SPOCK3: variants seen among roughly 807,000 people sequenced by gnomAD.
The protein encoded by SPOCK3 is testican-3.
In SPOCK3, 30 loss-of-function variants were observed where a neutral mutation model predicts 56.6. That is an observed-to-expected ratio of 0.53 (90% CI 0.40 to 0.72). The LOEUF (loss-of-function observed/expected upper bound fraction) is 0.72. Ranked by LOEUF, SPOCK3 falls within the 30% of genes least tolerant of loss-of-function variation. SPOCK3 has a pLI of 0.00. For missense variants in SPOCK3, 527 were observed against 530.0 expected (o/e 0.99, Z 0.06); for synonymous variants, 196 against 183.3 (o/e 1.07, Z -0.56).
chr4:166,841,730 G>C, intron 6 of SPOCK3, among the ~76,000 whole-genome samples: 1 of 152,158 alleles, frequency 6.6e-6, no homozygotes, highest in Non-Finnish European at 1.5e-5. Context: ...AGAATTCTAA[G>C]AACTTCTCCA....
chr4:167,128,912 T>C (rs547184613), intron 2 of SPOCK3, among the ~76,000 whole-genome samples: 4 of 152,232 alleles, frequency 2.6e-5, no homozygotes, highest in African/African-American at 9.6e-5. Context: ...GGGTTTATTG[T>C]ATTATTGTGG....
At chr4:167,154,040 T>A (rs1764617056) in intron 2 of SPOCK3, among the ~76,000 whole-genome samples, 1 of 152,210 alleles carries the variant, frequency 6.6e-6, no homozygotes, top group Non-Finnish European at 1.5e-5. Context: ...AAGGATCACG[T>A]ACAATATTTA....
At chr4:166,926,811 C>T (rs1031957151) in intron 4 of SPOCK3, among the ~76,000 whole-genome samples, 5 of 152,022 alleles carry the variant, frequency 3.3e-5, no homozygotes, top group African/African-American at 4.8e-5. Context: ...TCAAACTCTG[C>T]AAAAAGGACC....
At chr4:166,842,882 A>G (rs2126839334) in intron 6 of SPOCK3, among the ~76,000 whole-genome samples, 1 of 152,346 alleles carries the variant, frequency 6.6e-6, no homozygotes, top group South Asian at 2.1e-4. Context: ...GGTGCTGTGT[A>G]GCAGGGGATG....
chr4:166,997,159 G>T (rs1449681104), intron 4 of SPOCK3, among the ~76,000 whole-genome samples: 1 of 151,894 alleles, frequency 6.6e-6, no homozygotes, highest in Non-Finnish European at 1.5e-5. Flanking sequence ...GTGGCCTGTC[G>T]GTGGGGGTTA....
At chr4:167,053,386 T>A (rs964199294) in intron 3 of SPOCK3, among the ~76,000 whole-genome samples, 2 of 152,074 alleles carry the variant, frequency 1.3e-5, no homozygotes, top group African/African-American at 4.8e-5. Context: ...GGAACTTTCA[T>A]TGAATTATCT....
At chr4:166,754,454 T>C (rs1178712345) in intron 8 of SPOCK3, 54 bp downstream of exon 8, 1 of 1,563,492 alleles carries the variant, frequency 6.4e-7, no homozygotes, top group African/African-American at 1.4e-5. Flanking sequence ...AAAAAATAAG[T>C]AAAATTTGAC....
chr4:166,989,525 T>C (rs1747542781), intron 4 of SPOCK3, among the ~76,000 whole-genome samples: 1 of 152,146 alleles, frequency 6.6e-6, no homozygotes, highest in Admixed American at 6.6e-5. Flanking sequence ...GCTTTTTCTG[T>C]AAGAGTAAAT....
intron 2 of SPOCK3, among the ~76,000 whole-genome samples, chr4:167,111,584 C>T (rs1373879685): frequency 6.6e-6 from 1 of 152,108 alleles, no homozygotes; most frequent in African/African-American, 2.4e-5. Flanking sequence ...CTCTAGTTAA[C>T]ATTAATTCAT....
chr4:166,769,542 C>T (rs549456910), intron 7 of SPOCK3, among the ~76,000 whole-genome samples: 133 of 152,238 alleles, frequency 8.7e-4, no homozygotes, highest in African/African-American at 3.1e-3. Context: ...GATCGTTCCT[C>T]TGGAAGCTTC....
At chr4:166,867,649 G>A (rs926869252) in intron 6 of SPOCK3, among the ~76,000 whole-genome samples, 1 of 151,480 alleles carries the variant, frequency 6.6e-6, no homozygotes, top group Admixed American at 6.6e-5. Context: ...TTATTTAATG[G>A]TTTTAAAGAT....
chr4:166,784,229 C>A (rs1740494772), intron 7 of SPOCK3, among the ~76,000 whole-genome samples: 1 of 152,086 alleles, frequency 6.6e-6, no homozygotes, highest in South Asian at 2.1e-4. Flanking sequence ...TGGTTCCTAG[C>A]AGATCCAATG....
At chr4:167,018,174 T>C (rs1750831309) in intron 3 of SPOCK3, among the ~76,000 whole-genome samples, 1 of 152,146 alleles carries the variant, frequency 6.6e-6, no homozygotes, top group Non-Finnish European at 1.5e-5. Context: ...AAAAACAATC[T>C]AATTCTTAGA....
intron 2 of SPOCK3, among the ~76,000 whole-genome samples, chr4:167,121,473 C>CAAAAAAAAAAAAAA (rs534784701): frequency 8.4e-6 from 1 of 119,374 alleles, no homozygotes; most frequent in African/African-American, 3.1e-5. Flanking sequence ...TGGTTTCAAA[C>CAAAAAAAAAAAAAA]AAAAAAAAAA....
At chr4:167,092,238 C>G (rs945422352) in intron 2 of SPOCK3, among the ~76,000 whole-genome samples, 1 of 152,052 alleles carries the variant, frequency 6.6e-6, no homozygotes, top group Admixed American at 6.6e-5. Context: ...GGGACTGTGC[C>G]GTGAGGAACA....
chr4:167,187,587 T>C (rs987086301), intron 2 of SPOCK3, among the ~76,000 whole-genome samples: 1 of 152,070 alleles, frequency 6.6e-6, no homozygotes, highest in Non-Finnish European at 1.5e-5. Context: ...TGTAAAGTGC[T>C]ATGATTAATC....
At chr4:166,843,931 T>A (rs2060511840) in intron 6 of SPOCK3, among the ~76,000 whole-genome samples, 1 of 152,154 alleles carries the variant, frequency 6.6e-6, no homozygotes, top group Admixed American at 6.5e-5. Flanking sequence ...TCCTAGGTGA[T>A]GAGAAACATG....
chr4:167,002,061 T>C (rs1033988039), intron 3 of SPOCK3, among the ~76,000 whole-genome samples: 4 of 152,156 alleles, frequency 2.6e-5, no homozygotes, highest in African/African-American at 7.2e-5. Context: ...CAGGCTTAAG[T>C]GATTCTCCTG....
chr4:166,768,142 A>T (rs907885066), intron 7 of SPOCK3, among the ~76,000 whole-genome samples: 1 of 152,078 alleles, frequency 6.6e-6, no homozygotes, highest in African/African-American at 2.4e-5. Flanking sequence ...CTCTTTATCC[A>T]ATTTGCCAGT....
Sources: allele counts gnomAD v4.1 joint callset (sites outside exome capture counted in the v4.1 genomes callset), GRCh38; gene constraint gnomAD v4.1.1; transcripts MANE v1.5; gene names NCBI Gene and HGNC (gene_info 2026-07-23, HGNC 2026-07-21).